The following NR2F1-AS1 variants were observed in gnomAD, a reference collection of about 807,000 sequenced individuals.
NR2F1-AS1 encodes NR2F1 regulatory antisense RNA 1, also known as NR2F1 antisense RNA 1.
chr5:93,471,047 T>C (rs1750354580), intron 4 of NR2F1-AS1, among the ~76,000 whole-genome samples: 2 of 151,888 alleles, frequency 1.3e-5, no homozygotes, highest in South Asian at 2.1e-4. Flanking sequence ...GTTAAAGATA[T>C]ATTTTTGAAA....
At chr5:93,512,703 A>G (rs1033629721) in intron 4 of NR2F1-AS1, among the ~76,000 whole-genome samples, 1 of 152,086 alleles carries the variant, frequency 6.6e-6, no homozygotes, top group African/African-American at 2.4e-5. Flanking sequence ...CTGTATTTTT[A>G]TCGTAGTTTT....
chr5:93,580,117 G>C (rs1003376548), intron 1 of NR2F1-AS1, among the ~76,000 whole-genome samples: 1 of 152,244 alleles, frequency 6.6e-6, no homozygotes, highest in Non-Finnish European at 1.5e-5. Flanking sequence ...GGTGTTAAAC[G>C]TGCGGGTCCC....
At chr5:93,429,952 C>A (rs1251129509) in intron 4 of NR2F1-AS1, among the ~76,000 whole-genome samples, 1 of 152,156 alleles carries the variant, frequency 6.6e-6, no homozygotes, top group Admixed American at 6.5e-5. Context: ...ATAATATATA[C>A]CTTCTTGTGT....
At chr5:93,575,786 G>A (rs1400811896) in intron 1 of NR2F1-AS1, among the ~76,000 whole-genome samples, 1 of 152,110 alleles carries the variant, frequency 6.6e-6, no homozygotes, top group African/African-American at 2.4e-5. Flanking sequence ...TAAATGAAGA[G>A]TCAGCTGAAA....
At chr5:93,415,407 T>C (rs1207773421) in intron 4 of NR2F1-AS1, among the ~76,000 whole-genome samples, 1 of 152,140 alleles carries the variant, frequency 6.6e-6, no homozygotes, top group Non-Finnish European at 1.5e-5. Flanking sequence ...ATATGCCAGA[T>C]CTAAACAAAT....
At chr5:93,585,137 C>A (rs986172152), upstream of NR2F1-AS1, 26 of 1,070,570 alleles carry the variant, frequency 2.4e-5, no homozygotes, top group Non-Finnish European at 2.8e-5. Flanking sequence ...GCGGCGCCGG[C>A]GAGCAGCAGC....
At chr5:93,435,214 T>C (rs184598061) in intron 4 of NR2F1-AS1, among the ~76,000 whole-genome samples, 2 of 152,314 alleles carry the variant, frequency 1.3e-5, no homozygotes, top group African/African-American at 2.4e-5. Context: ...GTTAGTATCC[T>C]ACTCCCTTGT....
At chr5:93,427,441 A>G (rs1749217744) in intron 4 of NR2F1-AS1, among the ~76,000 whole-genome samples, 1 of 152,170 alleles carries the variant, frequency 6.6e-6, no homozygotes, top group Non-Finnish European at 1.5e-5. Flanking sequence ...GCACTTCGGG[A>G]GCACTAAACC....
intron 4 of NR2F1-AS1, among the ~76,000 whole-genome samples, chr5:93,500,295 G>A (rs1751051251): frequency 1.3e-5 from 2 of 152,156 alleles, no homozygotes; most frequent in Non-Finnish European, 2.9e-5. Context: ...GTGACTTTAG[G>A]TTGGAGCCAA....
intron 4 of NR2F1-AS1, among the ~76,000 whole-genome samples, chr5:93,445,240 C>T (rs1434561939): frequency 6.6e-6 from 1 of 152,030 alleles, no homozygotes; most frequent in African/African-American, 2.4e-5. Flanking sequence ...AAAAACCCTT[C>T]AAAATATCAA....
chr5:93,494,572 G>A (rs1387302022), intron 4 of NR2F1-AS1, among the ~76,000 whole-genome samples: 6 of 152,182 alleles, frequency 3.9e-5, no homozygotes, highest in African/African-American at 1.2e-4. Context: ...CCAAAATCAC[G>A]CCACTGCACT....
At chr5:93,512,036 T>G (rs1390477240) in intron 4 of NR2F1-AS1, among the ~76,000 whole-genome samples, 2 of 152,206 alleles carry the variant, frequency 1.3e-5, no homozygotes, top group African/African-American at 4.8e-5. Context: ...AATACTAGAC[T>G]TTTTATTGTT....
chr5:93,423,674 G>A (rs149106480), intron 4 of NR2F1-AS1, among the ~76,000 whole-genome samples: 16 of 152,236 alleles, frequency 1.1e-4, no homozygotes, highest in African/African-American at 2.6e-4. Flanking sequence ...TAACACCGAC[G>A]GCTTATGGAG....
intron 1 of NR2F1-AS1, among the ~76,000 whole-genome samples, chr5:93,572,914 G>A (rs945827241): frequency 6.6e-6 from 1 of 152,216 alleles, no homozygotes; most frequent in African/African-American, 2.4e-5. Flanking sequence ...CGGATCCTCC[G>A]CTTCCCGCGA....
intron 4 of NR2F1-AS1, among the ~76,000 whole-genome samples, chr5:93,530,813 G>A (rs1467005233): frequency 6.6e-6 from 1 of 151,818 alleles, no homozygotes; most frequent in African/African-American, 2.4e-5. Context: ...TTAAAGACTG[G>A]GTTATATCCT....
intron 4 of NR2F1-AS1, among the ~76,000 whole-genome samples, chr5:93,466,092 T>C (rs371354915): frequency 2.8e-4 from 43 of 152,058 alleles, no homozygotes; most frequent in African/African-American, 1.0e-3. Flanking sequence ...AAAAAGATTG[T>C]TACTAGCTAG....
intron 4 of NR2F1-AS1, among the ~76,000 whole-genome samples, chr5:93,490,027 T>G (rs1750803282): frequency 6.6e-6 from 1 of 152,174 alleles, no homozygotes; most frequent in Non-Finnish European, 1.5e-5. Flanking sequence ...AAAATTGGAT[T>G]TCCAGAACTG....
In NR2F1-AS1 at chr5:93,433,242, G is replaced by T. The variant is rs187523543; in HGVS notation, n.639-37700C>A. 3.3e-5 allele frequency among the ~76,000 whole-genome samples: 5 copies of T among 152,066 alleles called. No individual in the cohort carries two copies. In the South Asian group the frequency reaches 1.0e-3, roughly 31 times the overall value. On this transcript the variant is annotated intron_variant and non_coding_transcript_variant, in intron 4 of 5. Transcript: ENST00000660523. ...CAAAAGATAATTTATTTTCTTCTTC[G>T]TTGTTGGGTTTTCTCCTTTAAGGAA...
intron 4 of NR2F1-AS1, among the ~76,000 whole-genome samples, chr5:93,532,642 T>C (rs913685171): frequency 1.3e-5 from 2 of 152,246 alleles, no homozygotes; most frequent in African/African-American, 4.8e-5. Flanking sequence ...TTTGCCAACC[T>C]GTTTACAAAC....
Sources: allele counts gnomAD v4.1 joint callset (sites outside exome capture counted in the v4.1 genomes callset), GRCh38; gene constraint gnomAD v4.1.1; transcripts MANE v1.5; gene names NCBI Gene and HGNC (gene_info 2026-07-23, HGNC 2026-07-21).